The following DYNC2H1 variants were observed in gnomAD, a reference collection of about 807,000 sequenced individuals.
DYNC2H1 encodes dynein cytoplasmic 2 heavy chain 1, also known as cytoplasmic dynein 2 heavy chain 1.
In DYNC2H1, 410 loss-of-function variants were observed where a neutral mutation model predicts 570.0. The ratio of observed to expected loss-of-function variants is 0.72; its 90% CI spans 0.66 to 0.78. DYNC2H1 has a LOEUF of 0.78. DYNC2H1 is among the 30% of genes least tolerant of loss of function. DYNC2H1 has a pLI of 0.00. For missense variants in DYNC2H1, 4,865 were observed against 5,046.4 expected (o/e 0.96, Z 1.09); for synonymous variants, 1,688 against 1,677.6 (o/e 1.01, Z -0.15).
rs1018324169 is a variant in DYNC2H1, at chr11:103,187,711, ACTC to A, written c.7140+128_7140+130del. 9 of 1,169,872 alleles carry A rather than the reference ACTC, an allele frequency of 7.7e-6. No homozygotes were observed. In the African/African-American group the frequency reaches 1.4e-4, roughly 18 times the overall value. 72.5% of individuals were successfully genotyped at this position (1,169,872 alleles called of 1,614,324 possible). ...ATCTAGCATTTGTCATGGAAATTAA[ACTC>A]CTGAAACACTTCAGTCTTGTTCCAG... On this transcript the variant is annotated intron_variant, in intron 43 of 88. Coordinates refer to ENST00000375735, the MANE Select transcript of DYNC2H1 (RefSeq NM_001377.3).
intron 70 of DYNC2H1, among the ~76,000 whole-genome samples, chr11:103,272,718 G>A (rs1865759216): frequency 6.6e-6 from 1 of 152,044 alleles, no homozygotes; most frequent in Non-Finnish European, 1.5e-5. Flanking sequence ...ACTTTAAGAT[G>A]TCCTAATGTC....
intron 83 of DYNC2H1, among the ~76,000 whole-genome samples, chr11:103,380,584 G>A (rs1482755803): frequency 6.6e-6 from 1 of 151,932 alleles, no homozygotes; most frequent in Non-Finnish European, 1.5e-5. Flanking sequence ...TTTTTGAGAT[G>A]GGGTCTCCCT....
rs759391568 is a variant in DYNC2H1 at position 103,128,968 on chromosome 11, T to A, written c.1916T>A (p.Met639Lys). The A allele has an allele frequency of 1.2e-6, 2 of 1,605,258 alleles. No individual in the cohort carries two copies. The highest frequency in any genetic ancestry group is 3.4e-5 in the Admixed American group (2 of 59,358). ...ATGATTCAAAGTCAGAGGCCAATGA[T>A]GTTACAATCTGCCTTAGCATTTGAA... ...QQMIQSQRPM[M>K]LQSALAFEQI... is the part of the protein sequence containing the mutation. Residue 639 changes from methionine to lysine, a missense_variant, in exon 13 of 89, where the codon ATG becomes AAG. Met to Lys is a moderately conservative substitution (Grantham distance 95, BLOSUM62 -1). This residue lies in a region of DYNC2H1 where 1,936 missense variants were observed against 1,962.1 expected (regional missense o/e 0.99). Coordinates refer to ENST00000375735, the MANE Select transcript of DYNC2H1 (RefSeq NM_001377.3).
rs995348912 is a variant in DYNC2H1 at position 103,407,601 on chromosome 11, T to C, written c.12366+7729T>C. ...CGTAAAAACAGGTAGTTACAAGGAG[T>C]GTCTTGATAATGAAATTTGTGGTAT... is the stretch of plus-strand genomic sequence containing the variant. On this transcript the variant is annotated intron_variant, in intron 84 of 88. Transcript: ENST00000375735. The C allele has an allele frequency of 7.9e-5, 12 of 151,420 alleles. No individual in the cohort carries two copies. In the Admixed American group the frequency reaches 7.9e-4, roughly 10 times the overall value. The allele number at this position is 151,420 out of a possible 1,614,324, so 9.4% of individuals were successfully genotyped here. A position where few individuals can be genotyped will look rare whatever the true frequency, so the allele number is the denominator to read the frequency against.
intron 70 of DYNC2H1, among the ~76,000 whole-genome samples, chr11:103,272,228 G>A (rs1163665871): frequency 6.6e-6 from 1 of 152,186 alleles, no homozygotes; most frequent in African/African-American, 2.4e-5. Context: ...ATACACCATG[G>A]AATACTATGC....
Position 103,135,773 on chromosome 11 carries a change from A to G in DYNC2H1, c.2399A>G (p.Tyr800Cys), listed in dbSNP as rs776822327. 8 of 1,612,818 alleles carry G rather than the reference A, an allele frequency of 5.0e-6. No homozygotes were observed. Among genetic ancestry groups the G allele is most frequent in the African/African-American group, 4.0e-5 (3 of 74,920 alleles). The change falls in exon 17 of 89, where the codon TAT becomes TGT. Residue 800 changes from tyrosine (Y) to cysteine (C), a missense_variant. Tyr to Cys is a radical substitution (Grantham distance 194). This residue lies in a region of DYNC2H1 where 1,936 missense variants were observed against 1,962.1 expected (regional missense o/e 0.99). Transcript: ENST00000375735. ...PPFEEIRAKYYREMKRFIGIP... is the reference protein window; with the variant it reads ...PPFEEIRAKYCREMKRFIGIP... ...TTTGAAGAAATCCGGGCTAAATATT[A>G]TAGAGAAATGAAGAGATTCATCGGC...
intron 85 of DYNC2H1, among the ~76,000 whole-genome samples, chr11:103,445,245 A>C (rs1944385572): frequency 6.6e-6 from 1 of 152,226 alleles, no homozygotes; most frequent in Non-Finnish European, 1.5e-5. Context: ...TATTTGAAAG[A>C]CTTTATTTTT....
chr11:103,345,810 A>C (rs577915689), intron 82 of DYNC2H1, among the ~76,000 whole-genome samples: 2 of 152,312 alleles, frequency 1.3e-5, no homozygotes, highest in East Asian at 3.9e-4. Context: ...TAAGACTTAA[A>C]GCAAAGAGAG....
chr11:103,321,384 C>T (rs1300197413), intron 81 of DYNC2H1, 147 bp downstream of exon 81: 3 of 941,540 alleles, frequency 3.2e-6, no homozygotes, highest in Admixed American at 4.7e-5. Flanking sequence ...TGGCTTGATT[C>T]TTTCAACTTT....
Position 103,420,141 on chromosome 11 carries a change from G to C in DYNC2H1, c.12367-15802G>C, listed in dbSNP as rs1313836371. Among the ~76,000 whole-genome samples the C allele has an allele frequency of 3.3e-5, 5 of 151,906 alleles. No individual in the cohort carries two copies. In the East Asian group the frequency reaches 9.7e-4, roughly 29 times the overall value. On this transcript the variant is annotated intron_variant, in intron 84 of 88. Transcript: ENST00000375735. ...TCCGAGAAATATGGGGCTATGTAAA[G>C]AGACCTAACCTCTGACTGACTAGGA... is the stretch of plus-strand genomic sequence containing the variant.
chr11:103,456,097 C>T (rs1360888678), intron 86 of DYNC2H1, among the ~76,000 whole-genome samples, 178 bp from the exon 87 acceptor site: 1 of 152,116 alleles, frequency 6.6e-6, no homozygotes, highest in African/African-American at 2.4e-5. Context: ...AGGAGACTGA[C>T]AGTTAGCTTT....
At chr11:103,322,402 G>C (rs1938256192) in intron 81 of DYNC2H1, among the ~76,000 whole-genome samples, 1 of 152,136 alleles carries the variant, frequency 6.6e-6, no homozygotes, top group African/African-American at 2.4e-5. Flanking sequence ...GACCACATGA[G>C]TGTAGCCAGT....
chr11:103,211,944 G>T lies in DYNC2H1; in HGVS notation c.8694+1G>T, dbSNP rs1455606327. On this transcript the variant is annotated splice_donor_variant, in intron 54 of 88. Transcript: ENST00000375735. LOFTEE classifies it high-confidence loss of function. Reference sequence around the variant, plus strand: ...ATTAAAAAGACAAAGTCATTTGCAGGTATAGTATTGGTAATCTTGAATTAT... The same window carrying T: ...ATTAAAAAGACAAAGTCATTTGCAGTTATAGTATTGGTAATCTTGAATTAT... 1.4e-5 allele frequency: 21 copies of T among 1,509,684 alleles called. No homozygotes were observed. Among genetic ancestry groups the T allele is most frequent in the Non-Finnish European group, 1.8e-5 (20 of 1,128,838 alleles). The allele number at this position is 1,509,684 out of a possible 1,614,324, so 93.5% of individuals were successfully genotyped here.
chr11:103,122,993 G>C lies in DYNC2H1; in HGVS notation c.1654G>C (p.Gly552Arg), dbSNP rs766888341. Reference sequence around the variant, plus strand: ...ATCAGGTTTATCTGATTCCAGATCTGGTTTGTGGTAAGTATAGATATATTA... The same window carrying C: ...ATCAGGTTTATCTGATTCCAGATCTCGTTTGTGGTAAGTATAGATATATTA... The part of the protein sequence containing the change: ...IQSGLSDSRS[G>R]LCIEASSRIM... Residue 552 changes from glycine (G) to arginine (R), a missense_variant, in exon 11 of 89, where the codon GGT becomes CGT. Physicochemically the swap from Gly to Arg is moderately radical, Grantham distance 125. This residue lies in a region of DYNC2H1 where 1,936 missense variants were observed against 1,962.1 expected (regional missense o/e 0.99). Transcript: ENST00000375735. The C allele has an allele frequency of 6.6e-7, 1 of 1,515,464 alleles. No individual in the cohort carries two copies. Among genetic ancestry groups the C allele is most frequent in the African/African-American group, 1.4e-5 (1 of 72,762 alleles). The allele number at this position is 1,515,464 out of a possible 1,614,324, so 93.9% of individuals were successfully genotyped here. A position where few individuals can be genotyped will look rare whatever the true frequency, so the allele number is the denominator to read the frequency against.
intron 87 of DYNC2H1, among the ~76,000 whole-genome samples, chr11:103,463,223 A>G (rs996802108): frequency 2.6e-5 from 4 of 152,236 alleles, no homozygotes; most frequent in African/African-American, 7.2e-5. Context: ...GAAATACAAG[A>G]TAAGTATTAC....
intron 75 of DYNC2H1, among the ~76,000 whole-genome samples, chr11:103,296,431 A>G (rs1866828816): frequency 6.6e-6 from 1 of 152,246 alleles, no homozygotes; most frequent in Non-Finnish European, 1.5e-5. Flanking sequence ...ATGGTGAGTA[A>G]TAACTGTATA....
At chr11:103,174,594 G>A (rs1251197717) in intron 36 of DYNC2H1, among the ~76,000 whole-genome samples, 1 of 152,060 alleles carries the variant, frequency 6.6e-6, no homozygotes, top group African/African-American at 2.4e-5. Flanking sequence ...CTGATAATTT[G>A]TCTTGTCTTG....
chr11:103,286,281 C>G lies in DYNC2H1; in HGVS notation c.10917C>G (p.Thr3639=). Residue 3639 remains threonine, a synonymous_variant, in exon 74 of 89, where the codon ACC becomes ACG. Transcript: ENST00000375735. ...TTGCTCTCCCCAGTCTTTATCAGAC[C>G]CTCTGCTTTGAAGATGCAGCTCTGT... ...LKIALPSLYQ[T]LCFEDAALWR... 6.2e-7 allele frequency: 1 copy of G among 1,613,302 alleles called. No homozygotes were observed. The highest frequency in any genetic ancestry group is 8.5e-7 in the Non-Finnish European group (1 of 1,179,680).
At chr11:103,404,159 A>T (rs529000855) in intron 84 of DYNC2H1, 2 of 151,984 alleles carry the variant, frequency 1.3e-5, no homozygotes, top group African/African-American at 2.4e-5. Flanking sequence ...ACTGAACTGC[A>T]TGAGCCATTA....
Sources: gnomAD v4.1 joint callset for allele counts (sites outside exome capture counted in the v4.1 genomes callset) on GRCh38, gnomAD v4.1.1 for gene constraint, gnomAD v4.1.1 regional missense constraint, MANE v1.5 for transcripts, NCBI Gene and HGNC (gene_info 2026-07-23, HGNC 2026-07-21) for gene names.